Variants in ADAM33 observed in about 807,000 individuals in gnomAD.
The protein encoded by ADAM33 is ADAM metallopeptidase domain 33, also known as disintegrin and metalloproteinase domain-containing protein 33.
ADAM33 carries 103 observed loss-of-function variants against 106.2 expected under a neutral mutation model. That is an observed-to-expected ratio of 0.97 (90% CI 0.83 to 1.14). The LOEUF is 1.14. Ranked by LOEUF, ADAM33 falls within the 50% of genes most tolerant of loss-of-function variation. The pLI, the probability that ADAM33 is intolerant of heterozygous loss-of-function variation, is 0.00. For synonymous variants in ADAM33, 483 were observed against 453.0 expected, an observed-to-expected ratio of 1.07 and a Z score of -0.84; for missense variants, 1,120 against 1,096.6, an observed-to-expected ratio of 1.02 and a Z score of -0.30.
intron 14 of ADAM33, 71 bp downstream of exon 14, chr20:3,672,063 T>G: frequency 6.4e-7 from 1 of 1,574,014 alleles, no homozygotes; most frequent in South Asian, 1.1e-5. Context: ...CCTGCCCATC[T>G]TCCCCACAGT....
intron 5 of ADAM33, 36 bp downstream of exon 5, chr20:3,674,737 C>G: frequency 6.3e-7 from 1 of 1,593,682 alleles, no homozygotes; most frequent in Non-Finnish European, 8.6e-7. Context: ...GAGCTCTTTC[C>G]CCATCCCAGG....
In ADAM33 at chr20:3,672,170, T is replaced by C. The variant is rs2087581866; in HGVS notation, c.1561A>G (p.Thr521Ala). 6.2e-7 allele frequency: 1 copy of C among 1,613,084 alleles called. No individual in the cohort carries two copies. Among genetic ancestry groups the C allele is most frequent in the Non-Finnish European group, 8.5e-7 (1 of 1,179,914 alleles). Residue 521 changes from threonine (T) to alanine (A), a missense_variant, in exon 14 of 22, where the codon ACG becomes GCG. Physicochemically the swap from Thr to Ala is moderately conservative, Grantham distance 58 (BLOSUM62 0). Transcript: ENST00000356518. ...AGCTGCTGGCACTGCTGCTCCAGCG[T>C]GGGACATGCGCCATCCCAGCAGTAG... ...SGYCWDGACP[T>A]LEQQCQQLWG...
At chr20:3,676,883 G>A (rs1425109446) in intron 3 of ADAM33, among the ~76,000 whole-genome samples, 184 bp downstream of exon 3, 5 of 152,224 alleles carry the variant, frequency 3.3e-5, no homozygotes, top group South Asian at 2.1e-4. Flanking sequence ...CCACAGCGGG[G>A]CTGACAGCCT....
At chr20:3,671,813 A>AGTACCCC in intron 15 of ADAM33, 34 bp from the exon 16 acceptor site, 1 of 1,551,634 alleles carries the variant, frequency 6.4e-7, no homozygotes, top group Non-Finnish European at 8.7e-7. Flanking sequence ...CAACAGCTGC[A>AGTACCCC]GTACCCCCCT....
In ADAM33 at chr20:3,671,795, A is replaced by G; in HGVS notation, c.1707-16T>C. Reference sequence around the variant, plus strand: ...CAGGGCATCCCTGGGGAGGAAGTAGAGGGGGGTCAACAGCTGCAGTACCCC... The same window carrying G: ...CAGGGCATCCCTGGGGAGGAAGTAGGGGGGGGTCAACAGCTGCAGTACCCC... On this transcript the variant is annotated splice_polypyrimidine_tract_variant and intron_variant, in intron 15 of 21. Coordinates refer to ENST00000356518, the MANE Select transcript of ADAM33 (RefSeq NM_025220.5). 1 of 1,554,870 alleles carries G rather than the reference A, an allele frequency of 6.4e-7. No individual in the cohort carries two copies. Among genetic ancestry groups the G allele is most frequent in the Non-Finnish European group, 8.7e-7 (1 of 1,149,016 alleles).
intron 1 of ADAM33, among the ~76,000 whole-genome samples, chr20:3,681,577 G>A (rs1373521542): frequency 6.7e-6 from 1 of 149,676 alleles, no homozygotes; most frequent in African/African-American, 2.5e-5. Flanking sequence ...TTGTGAGAGC[G>A]AGAATCCAGG....
chr20:3,673,389 G>T lies in ADAM33; in HGVS notation c.1098C>A (p.Ala366=), dbSNP rs1033998489. Residue 366 remains alanine (A), a synonymous_variant, in exon 11 of 22, where the codon GCC becomes GCA. Transcript: ENST00000356518. ...CAGCCATGACGCAGCCTCCGGACTC[G>T]GCCGCAGCCTCCACGCAGCAGCCGT... is the stretch of plus-strand genomic sequence containing the variant. The part of the protein sequence containing the change: ...DPDGCCVEAA[A]ESGGCVMAAA... 1.3e-6 allele frequency: 2 copies of T among 1,543,736 alleles called. No homozygotes were observed. The highest frequency in any genetic ancestry group is 8.7e-7 in the Non-Finnish European group (1 of 1,151,524).
chr20:3,675,176 T>C lies in ADAM33; in HGVS notation c.255-71A>G. 2 of 1,221,638 alleles carry C rather than the reference T, an allele frequency of 1.6e-6. No individual in the cohort carries two copies. The highest frequency in any genetic ancestry group is 2.4e-6 in the Non-Finnish European group (2 of 846,704). The allele number at this position is 1,221,638 out of a possible 1,614,324, so 75.7% of individuals were successfully genotyped here. ...CCTCCTCCAGGATGTCTCCCAGCCT[T>C]CCTCCCTAAATGCTAATGGAGCAGC... On this transcript the variant is annotated intron_variant, in intron 3 of 21. Transcript: ENST00000356518. This position sits in a 1 kb window ranked among gnomAD's most constrained non-coding sequence, Gnocchi z 4.1.
At position 3,671,692 on chromosome 20, in the gene ADAM33, G is replaced by A. The variant is rs770973229; in HGVS notation, c.1794C>T (p.His598=). 2.5e-6 allele frequency: 4 copies of A among 1,586,958 alleles called. No individual in the cohort carries two copies. The African/African-American group carries it at 4.0e-5, about 16-fold the overall frequency. Residue 598 remains histidine, a synonymous_variant, in exon 16 of 22, where the codon CAC becomes CAT. Transcript: ENST00000356518. The part of the protein sequence containing the change: ...PHMVPVDSTV[H]LDGQEVTCRG... Reference sequence around the variant, plus strand: ...GACAAGTCACTTCCTGGCCATCTAGGTGAACGGTAGAGTCCACTGGCACCA... The same window carrying A: ...GACAAGTCACTTCCTGGCCATCTAGATGAACGGTAGAGTCCACTGGCACCA...
rs147260297 is a variant in ADAM33 at position 3,672,321 on chromosome 20, C to T, written c.1410G>A (p.Pro470=). 3.1e-6 allele frequency: 5 copies of T among 1,611,538 alleles called. No homozygotes were observed. Among genetic ancestry groups the T allele is most frequent in the African/African-American group, 2.7e-5 (2 of 74,042 alleles). Residue 470 remains proline, a synonymous_variant, in exon 14 of 22, where the codon CCG becomes CCA. Coordinates refer to ENST00000356518, the MANE Select transcript of ADAM33 (RefSeq NM_025220.5). ...GDCCVRCLLK[P]AGALCRQAMG... is the part of the protein sequence containing the mutation. The stretch of plus-strand genomic sequence containing the variant: ...TGGCCTGGCGGCACAGCGCTCCAGC[C>T]GGCTTCAGCTGCGCAGGTGACGGGT...
At position 3,672,766 on chromosome 20, in the gene ADAM33, G is replaced by A; in HGVS notation, c.1266C>T (p.Asn422=). Reference sequence around the variant, plus strand: ...ACTCCTCGCCCGCTTCCACGAAGCCGTTCCCGCAGAGCGCCGGCGGCACCG... The same window carrying A: ...ACTCCTCGCCCGCTTCCACGAAGCCATTCCCGCAGAGCGCCGGCGGCACCG... ...GLPVPPALCG[N]GFVEAGEECD... is the part of the protein sequence containing the mutation. Residue 422 remains asparagine, a synonymous_variant, in exon 12 of 22, where the codon AAC becomes AAT. Coordinates refer to ENST00000356518, the MANE Select transcript of ADAM33 (RefSeq NM_025220.5). 6.4e-7 allele frequency: 1 copy of A among 1,569,258 alleles called. No homozygotes were observed. The highest frequency in any genetic ancestry group is 2.3e-5 in the East Asian group (1 of 43,578).
chr20:3,676,275 C>T (rs1342908802), intron 3 of ADAM33, among the ~76,000 whole-genome samples: 2 of 151,378 alleles, frequency 1.3e-5, no homozygotes, highest in East Asian at 3.9e-4. Flanking sequence ...ACCAAAATGG[C>T]CTTCTGTGAT....
At position 3,672,760 on chromosome 20, in the gene ADAM33, G is replaced by A. The variant is rs777177505; in HGVS notation, c.1272C>T (p.Phe424=). Residue 424 remains phenylalanine (F), a synonymous_variant, in exon 12 of 22, where the codon TTC becomes TTT. Coordinates refer to ENST00000356518, the MANE Select transcript of ADAM33 (RefSeq NM_025220.5). ...PVPPALCGNG[F]VEAGEECDCG... ...AGTCACACTCCTCGCCCGCTTCCAC[G>A]AAGCCGTTCCCGCAGAGCGCCGGCG... 7.0e-6 allele frequency: 11 copies of A among 1,568,926 alleles called. No homozygotes were observed. The African/African-American group carries it at 1.4e-4, about 19-fold the overall frequency.
rs1397337897 is a variant in ADAM33 at position 3,677,126 on chromosome 20, C to T, written c.195G>A (p.Met65Ile). 1 of 1,610,556 alleles carries T rather than the reference C, an allele frequency of 6.2e-7. No individual in the cohort carries two copies. ...SLEEPVSKPD[M>I]GLVALEAEGQ... ...CTTCAGCCTCCAGGGCCACCAGCCCCATGTCTGGCTTCGAGACCTGGGCAA... is the reference window on the plus strand; with the variant it reads ...CTTCAGCCTCCAGGGCCACCAGCCCTATGTCTGGCTTCGAGACCTGGGCAA... Residue 65 changes from methionine (M) to isoleucine (I), a missense_variant, in exon 3 of 22, where the codon ATG becomes ATA. By Grantham distance (10) the Met-to-Ile change is conservative (BLOSUM62 1). Transcript: ENST00000356518.
rs769864991 is a variant in ADAM33, at chr20:3,674,552, A to G, written c.552T>C (p.Pro184=). 12 of 1,613,402 alleles carry G rather than the reference A, an allele frequency of 7.4e-6. No homozygotes were observed. The South Asian group carries it at 1.2e-4, about 16-fold the overall frequency. ...TWKGTCGHRD[P]GNKAGMTSLP... ...GGCTGGTCATGCCCGCTTTGTTCCC[A>G]GGATCCCTGTGGCCACAGGTTCCTT... is the stretch of plus-strand genomic sequence containing the variant. Residue 184 remains proline (P), a synonymous_variant, in exon 6 of 22, where the codon CCT becomes CCC. Coordinates refer to ENST00000356518, the MANE Select transcript of ADAM33 (RefSeq NM_025220.5).
intron 7 of ADAM33, 29 bp downstream of exon 7, chr20:3,674,190 C>A (rs2087777841): frequency 1.2e-6 from 2 of 1,614,154 alleles, no homozygotes; most frequent in Non-Finnish European, 1.7e-6. Flanking sequence ...CCATCCCTGA[C>A]CCCGCCAACC....
Position 3,674,077 on chromosome 20 carries a change from T to C in ADAM33, c.725A>G (p.Asn242Ser), listed in dbSNP as rs1301658668. 7 of 1,614,044 alleles carry C rather than the reference T, an allele frequency of 4.3e-6. No homozygotes were observed. Among genetic ancestry groups the C allele is most frequent in the African/African-American group, 1.3e-5 (1 of 74,932 alleles). The change falls in exon 8 of 22, where the codon AAC becomes AGC. Residue 242 changes from asparagine (N) to serine (S), a missense_variant. Coordinates refer to ENST00000356518, the MANE Select transcript of ADAM33 (RefSeq NM_025220.5). ...HTKQRLLEVA[N>S]YVDQLLRTLD... Reference sequence around the variant, plus strand: ...GCCGCCCCCAACCTGGTCCACGTAGTTGGCGACTTCCAGGAGACGCTGTTT... The same window carrying C: ...GCCGCCCCCAACCTGGTCCACGTAGCTGGCGACTTCCAGGAGACGCTGTTT...
At chr20:3,670,859 C>T in intron 19 of ADAM33, 147 bp downstream of exon 19, 1 of 1,250,398 alleles carries the variant, frequency 8.0e-7, no homozygotes, top group East Asian at 2.6e-5. Context: ...ACCTCCTGTT[C>T]AAAGCTACTT....
At chr20:3,670,684 C>T (rs536911822) in intron 19 of ADAM33, 1 of 339,596 alleles carries the variant, frequency 2.9e-6, no homozygotes, top group South Asian at 5.6e-5. Flanking sequence ...GGACTGCAAT[C>T]TGAGCCAGGG....
Sources: allele counts gnomAD v4.1 joint callset (sites outside exome capture counted in the v4.1 genomes callset), GRCh38; gene constraint gnomAD v4.1.1; non-coding constraint Gnocchi (gnomAD v3.1); transcripts MANE v1.5; gene names NCBI Gene and HGNC (gene_info 2026-07-23, HGNC 2026-07-21).